Variants in CIAO1 observed in about 807,000 individuals in gnomAD.
CIAO1 encodes cytosolic iron-sulfur assembly component 1.
Under a neutral mutation model 43.1 loss-of-function variants are expected in CIAO1, and 32 were observed. The observed-to-expected ratio is 0.74, with a 90% CI of 0.56 to 1.00. CIAO1 has a LOEUF of 1.00. Ranked by LOEUF, CIAO1 falls within the 50% of genes least tolerant of loss-of-function variation. The probability of loss-of-function intolerance (pLI) is 0.00; values close to 1 mark genes in which losing one functional copy is unlikely to be tolerated. For synonymous variants in CIAO1, 183 were observed against 171.4 expected (o/e 1.07, Z -0.53); for missense variants, 415 against 437.4 (o/e 0.95, Z 0.46).
At position 96,267,941 on chromosome 2, in the gene CIAO1, G is replaced by A. The variant is rs777348944; in HGVS notation, c.489+17G>A. 3 of 1,602,908 alleles carry A rather than the reference G, an allele frequency of 1.9e-6. No individual in the cohort carries two copies. The highest frequency in any genetic ancestry group is 2.6e-6 in the Non-Finnish European group (3 of 1,170,134). ...AGTCAGGAGGTAAGAGTCAAGCAGGGACTCTTGTGGGAAGGGCTCTGGTGT... is the reference window on the plus strand; with the variant it reads ...AGTCAGGAGGTAAGAGTCAAGCAGGAACTCTTGTGGGAAGGGCTCTGGTGT... On this transcript the variant is annotated intron_variant, in intron 4 of 6. Transcript: ENST00000488633.
intron 4 of CIAO1, 102 bp downstream of exon 4, chr2:96,268,026 TC>T: frequency 1.0e-6 from 1 of 958,432 alleles, no homozygotes; most frequent in Non-Finnish European, 1.6e-6. Context: ...TACGGAGAGT[TC>T]CATCTGTGAA....
chr2:96,267,562 C>T (rs1684459501), intron 2 of CIAO1, 63 bp from the exon 3 acceptor site: 2 of 1,609,218 alleles, frequency 1.2e-6, no homozygotes, highest in Admixed American at 1.7e-5. Context: ...TGGGCTGTAC[C>T]CATGGGAAGG....
Position 96,273,890 on chromosome 2 carries a change from G to GT in CIAO1, c.*2543dup, listed in dbSNP as rs1259817934. Among the ~76,000 whole-genome samples the GT allele has an allele frequency of 6.6e-6, 1 of 151,492 alleles. No individual in the cohort carries two copies. The highest frequency in any genetic ancestry group is 1.5e-5 in the Non-Finnish European group (1 of 67,972). On this transcript the variant is annotated 3_prime_UTR_variant, in exon 7 of 7. Transcript: ENST00000488633. ...AAAATGCCACCCTTCTCCTTGGATT[G>GT]TTTTGGAAGTTATTCTTCATAAAAA...
chr2:96,266,961 C>T (rs573959053), intron 1 of CIAO1, among the ~76,000 whole-genome samples: 1 of 151,890 alleles, frequency 6.6e-6, no homozygotes, highest in East Asian at 1.9e-4. Context: ...ATGGTGAAAC[C>T]CCGTCTCTAC....
In CIAO1 at chr2:96,266,238, G is replaced by C. The variant is rs569518818; in HGVS notation, c.-113G>C. On this transcript the variant is annotated 5_prime_UTR_variant, in exon 1 of 7. Coordinates refer to ENST00000488633, the MANE Select transcript of CIAO1 (RefSeq NM_004804.3). ...CCCAGGTCCTCCGGCGGAAGCGGGA[G>C]CCTCTGTCGGCCGCGGAAGCCTGGA... The C allele has an allele frequency of 8.4e-7, 1 of 1,188,484 alleles. No homozygotes were observed. 73.6% of individuals were successfully genotyped at this position (1,188,484 alleles called of 1,614,324 possible).
rs979450755 is a variant in CIAO1, at chr2:96,271,406, T to C, written c.*55T>C. The C allele has an allele frequency of 1.3e-6, 2 of 1,586,862 alleles. No individual in the cohort carries two copies. The highest frequency in any genetic ancestry group is 1.7e-6 in the Non-Finnish European group (2 of 1,166,446). ...TCCCCAGAAAACGTCATATAAGACT[T>C]TACCAGCCCCTGAGAGGACCAGGAG... On this transcript the variant is annotated 3_prime_UTR_variant, in exon 7 of 7. Transcript: ENST00000488633.
At chr2:96,268,396 C>G in intron 4 of CIAO1, 61 bp from the exon 5 acceptor site, 1 of 1,384,482 alleles carries the variant, frequency 7.2e-7, no homozygotes. Flanking sequence ...TGGAACTGAC[C>G]TGTCCTTTGC....
chr2:96,267,170 C>T (rs1168986620), intron 1 of CIAO1, 151 bp from the exon 2 acceptor site: 2 of 357,204 alleles, frequency 5.6e-6, no homozygotes, highest in African/African-American at 4.5e-5. Context: ...AGCTTCCAGA[C>T]GAAGTAGATT....
At chr2:96,270,348 T>C (rs1684523958) in intron 6 of CIAO1, among the ~76,000 whole-genome samples, 1 of 151,658 alleles carries the variant, frequency 6.6e-6, no homozygotes, top group African/African-American at 2.4e-5. Context: ...CTACTAAAAA[T>C]ACAAAAATTA....
chr2:96,268,767 A>G, intron 5 of CIAO1, 109 bp downstream of exon 5: 1 of 1,038,584 alleles, frequency 9.6e-7, no homozygotes, highest in Non-Finnish European at 1.4e-6. Flanking sequence ...AAGATGTGCT[A>G]CAAGAGGGCT....
At chr2:96,267,292 CCA>C in intron 1 of CIAO1, 27 bp from the exon 2 acceptor site, 1 of 1,597,290 alleles carries the variant, frequency 6.3e-7, no homozygotes, top group Non-Finnish European at 8.6e-7. Context: ...GCACCCAGCT[CCA>C]GAGCCTGGCC....
In CIAO1 at chr2:96,266,257, G is replaced by C. The variant is rs1265061302; in HGVS notation, c.-94G>C. On this transcript the variant is annotated 5_prime_UTR_variant, in exon 1 of 7. Transcript: ENST00000488633. Reference sequence around the variant, plus strand: ...GCGGGAGCCTCTGTCGGCCGCGGAAGCCTGGAGTGGGCGGTACGCAGACGC... The same window carrying C: ...GCGGGAGCCTCTGTCGGCCGCGGAACCCTGGAGTGGGCGGTACGCAGACGC... 3.2e-6 allele frequency: 4 copies of C among 1,253,284 alleles called. No individual in the cohort carries two copies. The highest frequency in any genetic ancestry group is 1.6e-5 in the African/African-American group (1 of 64,278). 77.6% of individuals were successfully genotyped at this position (1,253,284 alleles called of 1,614,324 possible).
At chr2:96,267,558 G>A in intron 2 of CIAO1, 67 bp from the exon 3 acceptor site, 1 of 1,608,408 alleles carries the variant, frequency 6.2e-7, no homozygotes, top group Non-Finnish European at 8.5e-7. Context: ...CAGTTGGGCT[G>A]TACCCATGGG....
At position 96,269,463 on chromosome 2, in the gene CIAO1, G is replaced by A. The variant is rs180699616; in HGVS notation, c.779+108G>A. 108 of 1,019,110 alleles carry A rather than the reference G, an allele frequency of 1.1e-4. 1 individual carries two copies. In the Middle Eastern group the frequency reaches 1.7e-3, roughly 16 times the overall value. The allele number at this position is 1,019,110 out of a possible 1,614,324, so 63.1% of individuals were successfully genotyped here. ...CCCTGGGGGAGTGCTTGGGAATTGA[G>A]GGCAGCCACCCCCATTCCTTATCAG... is the stretch of plus-strand genomic sequence containing the variant. On this transcript the variant is annotated intron_variant, in intron 6 of 6. Transcript: ENST00000488633.
rs1684424728 is a variant in CIAO1, at chr2:96,266,231, A to C, written c.-120A>C. ...GGGGCGACCCAGGTCCTCCGGCGGA[A>C]GCGGGAGCCTCTGTCGGCCGCGGAA... is the stretch of plus-strand genomic sequence containing the variant. On this transcript the variant is annotated 5_prime_UTR_variant, in exon 1 of 7. Coordinates refer to ENST00000488633, the MANE Select transcript of CIAO1 (RefSeq NM_004804.3). The C allele has an allele frequency of 8.6e-6, 10 of 1,160,300 alleles. No individual in the cohort carries two copies. The South Asian group carries it at 2.9e-4, about 34-fold the overall frequency. The allele number at this position is 1,160,300 out of a possible 1,614,324, so 71.9% of individuals were successfully genotyped here. A position where few individuals can be genotyped will look rare whatever the true frequency, so the allele number is the denominator to read the frequency against.
In CIAO1 at chr2:96,266,225, G is replaced by A. The variant is rs1684424470; in HGVS notation, c.-126G>A. 1.7e-5 allele frequency: 19 copies of A among 1,134,182 alleles called. No homozygotes were observed. Among genetic ancestry groups the A allele is most frequent in the Middle Eastern group, 3.3e-4 (1 of 3,026 alleles). The allele number at this position is 1,134,182 out of a possible 1,614,324, so 70.3% of individuals were successfully genotyped here. A position where few individuals can be genotyped will look rare whatever the true frequency, so the allele number is the denominator to read the frequency against. Reference sequence around the variant, plus strand: ...GTTTCCGGGGCGACCCAGGTCCTCCGGCGGAAGCGGGAGCCTCTGTCGGCC... The same window carrying A: ...GTTTCCGGGGCGACCCAGGTCCTCCAGCGGAAGCGGGAGCCTCTGTCGGCC... On this transcript the variant is annotated 5_prime_UTR_variant, in exon 1 of 7. Coordinates refer to ENST00000488633, the MANE Select transcript of CIAO1 (RefSeq NM_004804.3).
rs965227314 is a variant in CIAO1 at position 96,274,015 on chromosome 2, C to T, written c.*2664C>T. Among the ~76,000 whole-genome samples the T allele has an allele frequency of 6.6e-6, 1 of 151,842 alleles. No homozygotes were observed. Among genetic ancestry groups the T allele is most frequent in the African/African-American group, 2.4e-5 (1 of 41,334 alleles). The stretch of plus-strand genomic sequence containing the variant: ...CTTGAGCTCAGGAATTCAAGGTCAG[C>T]CTGGGCAACATGGCTAAACTCTGTC... On this transcript the variant is annotated 3_prime_UTR_variant, in exon 7 of 7. Coordinates refer to ENST00000488633, the MANE Select transcript of CIAO1 (RefSeq NM_004804.3).
intron 6 of CIAO1, 97 bp downstream of exon 6, chr2:96,269,452 T>A: frequency 8.4e-7 from 1 of 1,186,308 alleles, no homozygotes; most frequent in Non-Finnish European, 1.3e-6. Context: ...GGGGGAGTGC[T>A]TGGGAATTGA....
rs1323023036 is a variant in CIAO1, at chr2:96,269,296, T to C, written c.720T>C (p.Ser240=). The part of the protein sequence containing the change: ...QGVACSGSDP[S]WKCICTLSGF... ...TGGCATGCAGCGGCTCTGACCCCAG[T>C]TGGAAATGTATCTGTACTTTGTCCG... The change falls in exon 6 of 7, where the codon AGT becomes AGC. Residue 240 remains serine (S), a synonymous_variant. Coordinates refer to ENST00000488633, the MANE Select transcript of CIAO1 (RefSeq NM_004804.3). 2.5e-6 allele frequency: 4 copies of C among 1,614,002 alleles called. No individual in the cohort carries two copies. Among genetic ancestry groups the C allele is most frequent in the Admixed American group, 1.7e-5 (1 of 59,996 alleles).
Sources: gnomAD v4.1 joint callset for allele counts (sites outside exome capture counted in the v4.1 genomes callset) on GRCh38, gnomAD v4.1.1 for gene constraint, MANE v1.5 for transcripts, NCBI Gene and HGNC (gene_info 2026-07-23, HGNC 2026-07-21) for gene names.